Variants in HAPLN1 observed in about 807,000 individuals in gnomAD.
The protein encoded by HAPLN1 is hyaluronan and proteoglycan link protein 1.
Under a neutral mutation model 36.5 loss-of-function variants are expected in HAPLN1, and 13 were observed. The observed-to-expected ratio is 0.36, with a 90% CI of 0.23 to 0.57. The LOEUF is 0.57. Ranked by LOEUF, HAPLN1 falls within the 20% of genes least tolerant of loss-of-function variation. HAPLN1 has a pLI of 0.83. For synonymous variants in HAPLN1, 202 were observed against 169.8 expected (o/e 1.19, Z -1.48); for missense variants, 407 against 439.7 (o/e 0.93, Z 0.66).
chr5:83,687,459 C>G (rs1751157017), intron 1 of HAPLN1, among the ~76,000 whole-genome samples: 1 of 152,164 alleles, frequency 6.6e-6, no homozygotes, highest in Non-Finnish European at 1.5e-5. Context: ...ATTCATTCAA[C>G]AATGTTTTAG....
At chr5:83,663,487 A>G (rs1750468775) in intron 2 of HAPLN1, among the ~76,000 whole-genome samples, 1 of 152,098 alleles carries the variant, frequency 6.6e-6, no homozygotes, top group East Asian at 1.9e-4. Context: ...TCCCCAGGTG[A>G]TCTCATCTGG....
Position 83,639,228 on chromosome 5 carries a change from C to T in HAPLN1, c.*2268G>A, listed in dbSNP as rs1463195162. On this transcript the variant is annotated 3_prime_UTR_variant, in exon 5 of 5. Transcript: ENST00000274341. ...GGCATGGAAATTCTGGTCCTTTGAGCAAAATGAGAAGAAAAAATTCTGCTC... is the reference window on the plus strand; with the variant it reads ...GGCATGGAAATTCTGGTCCTTTGAGTAAAATGAGAAGAAAAAATTCTGCTC... 6.6e-6 allele frequency: 1 copy of T among 151,898 alleles called. No homozygotes were observed. The highest frequency in any genetic ancestry group is 1.5e-5 in the Non-Finnish European group (1 of 67,890). The allele number at this position is 151,898 out of a possible 1,614,324, so 9.4% of individuals were successfully genotyped here. A position where few individuals can be genotyped will look rare whatever the true frequency, so the allele number is the denominator to read the frequency against.
intron 1 of HAPLN1, among the ~76,000 whole-genome samples, chr5:83,715,551 G>T (rs1020165071): frequency 6.6e-6 from 1 of 152,222 alleles, no homozygotes; most frequent in Admixed American, 6.5e-5. Context: ...ACCTAGCGTG[G>T]TGCCTGCCTG....
chr5:83,696,015 C>T (rs1405539407), intron 1 of HAPLN1, among the ~76,000 whole-genome samples: 2 of 151,834 alleles, frequency 1.3e-5, no homozygotes, highest in Non-Finnish European at 2.9e-5. Context: ...ACAGTCTACA[C>T]AGAAAAATCA....
intron 1 of HAPLN1, among the ~76,000 whole-genome samples, chr5:83,719,936 T>C (rs943886504): frequency 6.6e-6 from 1 of 152,188 alleles, no homozygotes; most frequent in African/African-American, 2.4e-5. Flanking sequence ...ACCCTAAAAA[T>C]TCCCAAATGT....
intron 1 of HAPLN1, among the ~76,000 whole-genome samples, chr5:83,706,011 C>T (rs138011376): frequency 9.6e-4 from 146 of 151,720 alleles, no homozygotes; most frequent in African/African-American, 3.4e-3. Context: ...GAAACATGCA[C>T]CCTCCTAGAA....
rs1465300394 is a variant in HAPLN1, at chr5:83,639,478, G to A, written c.*2018C>T. ...TAGATGTTTGCTTCAATAGAAATTT[G>A]TTCCCACTTGTATTTTCAACAAAAT... On this transcript the variant is annotated 3_prime_UTR_variant, in exon 5 of 5. Transcript: ENST00000274341. 2 of 151,974 alleles carry A rather than the reference G, an allele frequency of 1.3e-5. No individual in the cohort carries two copies. Among genetic ancestry groups the A allele is most frequent in the African/African-American group, 4.8e-5 (2 of 41,426 alleles). 9.4% of individuals were successfully genotyped at this position (151,974 alleles called of 1,614,324 possible). A position where few individuals can be genotyped will look rare whatever the true frequency, so the allele number is the denominator to read the frequency against.
chr5:83,695,527 A>G (rs974667544), intron 1 of HAPLN1, among the ~76,000 whole-genome samples: 7 of 150,300 alleles, frequency 4.7e-5, no homozygotes, highest in Admixed American at 1.3e-4. Context: ...ATATATATAC[A>G]TATTTAGTGT....
intron 2 of HAPLN1, among the ~76,000 whole-genome samples, chr5:83,664,380 T>C (rs1205050322): frequency 1.3e-5 from 2 of 152,058 alleles, no homozygotes; most frequent in Non-Finnish European, 2.9e-5. Context: ...TTTTTTCCCT[T>C]AAAAACATTT....
At chr5:83,692,267 A>G (rs772047467) in intron 1 of HAPLN1, among the ~76,000 whole-genome samples, 3 of 151,992 alleles carry the variant, frequency 2.0e-5, no homozygotes, top group Admixed American at 6.6e-5. Context: ...TTACAAACTT[A>G]CAGACCCAAG....
intron 2 of HAPLN1, among the ~76,000 whole-genome samples, chr5:83,666,709 T>C (rs1181436422): frequency 6.6e-6 from 1 of 152,138 alleles, no homozygotes; most frequent in African/African-American, 2.4e-5. Context: ...GCTCTTTTAG[T>C]TTGGTAACTA....
chr5:83,676,049 A>G lies in HAPLN1; in HGVS notation c.-26-2500T>C, dbSNP rs114167116. On this transcript the variant is annotated intron_variant, in intron 1 of 4. Transcript: ENST00000274341. ...TTTTCCCAAGACTTACATATTGAGA[A>G]GGCAGTCAGGTGGTATTTTTCTTAA... Among the ~76,000 whole-genome samples the G allele has an allele frequency of 7.6e-3, 1,152 of 152,264 alleles. 7 individuals carry two copies. The highest frequency in any genetic ancestry group is 0.044 in the Middle Eastern group (13 of 294).
At chr5:83,660,799 G>A (rs1018541240) in intron 2 of HAPLN1, among the ~76,000 whole-genome samples, 2 of 152,000 alleles carry the variant, frequency 1.3e-5, no homozygotes, top group Non-Finnish European at 2.9e-5. Context: ...TAACCTTTCT[G>A]TACCTCAGTT....
intron 1 of HAPLN1, among the ~76,000 whole-genome samples, chr5:83,719,670 T>A (rs1369594859): frequency 6.6e-6 from 1 of 152,210 alleles, no homozygotes; most frequent in Non-Finnish European, 1.5e-5. Context: ...TATGATATAC[T>A]TTTGATAGAA....
chr5:83,700,472 C>T (rs1243395646), intron 1 of HAPLN1, among the ~76,000 whole-genome samples: 2 of 151,998 alleles, frequency 1.3e-5, no homozygotes, highest in Non-Finnish European at 2.9e-5. Flanking sequence ...ACCATGGACA[C>T]TGTCATCTGG....
At chr5:83,682,632 C>G (rs1481674885) in intron 1 of HAPLN1, 1 of 152,086 alleles carries the variant, frequency 6.6e-6, no homozygotes, top group Non-Finnish European at 1.5e-5. Flanking sequence ...AAAACATGAC[C>G]TCATCAGAAT....
At chr5:83,647,872 G>T (rs1452865266) in intron 3 of HAPLN1, among the ~76,000 whole-genome samples, 1 of 152,062 alleles carries the variant, frequency 6.6e-6, no homozygotes, top group African/African-American at 2.4e-5. Flanking sequence ...CTTCCTTAGT[G>T]CCTGTCATAG....
At chr5:83,699,189 C>T (rs1751453869) in intron 1 of HAPLN1, among the ~76,000 whole-genome samples, 1 of 152,154 alleles carries the variant, frequency 6.6e-6, no homozygotes, top group Non-Finnish European at 1.5e-5. Flanking sequence ...AATAGACAAA[C>T]ATAAAATATT....
intron 2 of HAPLN1, 29 bp from the exon 3 acceptor site, chr5:83,652,853 A>G (rs748039286): frequency 2.0e-6 from 3 of 1,502,778 alleles, no homozygotes; most frequent in Non-Finnish European, 2.7e-6. Context: ...AAAAAAAGAA[A>G]ATAACTATTA....
Sources: gnomAD v4.1 joint callset for allele counts (sites outside exome capture counted in the v4.1 genomes callset) on GRCh38, gnomAD v4.1.1 for gene constraint, MANE v1.5 for transcripts, NCBI Gene and HGNC (gene_info 2026-07-23, HGNC 2026-07-21) for gene names.